Variants in L1CAM observed in about 807,000 individuals in gnomAD.
L1CAM encodes L1 cell adhesion molecule.
L1CAM carries 8 observed loss-of-function variants against 93.0 expected under a neutral mutation model. The ratio of observed to expected loss-of-function variants is 0.09; its 90% CI spans 0.05 to 0.16. The LOEUF is 0.16. Among genes scored for constraint, L1CAM ranks in the 10% least tolerant of loss-of-function variants. L1CAM has a pLI of 1.00. For synonymous variants in L1CAM, 453 were observed against 453.0 expected (o/e 1.00, Z 0.00); for missense variants, 777 against 1,073.4 (o/e 0.72, Z 3.86).
chrX:153,865,060 C>T (rs1557090364), intron 22 of L1CAM, 28 bp downstream of exon 22: 2 of 1,211,608 alleles, frequency 1.7e-6, no homozygotes, highest in East Asian at 3.0e-5. Context: ...CCCTCCACCT[C>T]CCTTCCCTGC....
chrX:153,871,237 G>A lies in L1CAM; in HGVS notation c.401-58C>T, dbSNP rs1487054885. 2.8e-5 allele frequency: 17 copies of A among 612,021 alleles called. No homozygotes were observed. In the East Asian group the frequency reaches 7.1e-4, roughly 25 times the overall value. The allele number at this position is 612,021 out of a possible 1,213,427, so 50.4% of individuals were successfully genotyped here. ...CTGGTCCAGATGGTGCTAGGCAGGA[G>A]AAGGGAGGTGGGGGCAGGGGGGTGG... On this transcript the variant is annotated intron_variant, in intron 5 of 28. Coordinates refer to ENST00000370060, the MANE Select transcript of L1CAM (RefSeq NM_001278116.2).
chrX:153,879,595 G>A (rs1315752277), intron 1 of L1CAM, among the ~76,000 whole-genome samples: 1 of 112,405 alleles, frequency 8.9e-6, no homozygotes, highest in Non-Finnish European at 1.9e-5. Context: ...GACAGACAGA[G>A]GGTGGAGCAG....
rs782340959 is a variant in L1CAM, at chrX:153,870,247, G to A, written c.807-7C>T. 1.4e-5 allele frequency: 17 copies of A among 1,207,476 alleles called. No homozygotes were observed. Among genetic ancestry groups the A allele is most frequent in the South Asian group, 1.8e-5 (1 of 56,801 alleles). On this transcript the variant is annotated splice_region_variant and splice_polypyrimidine_tract_variant and intron_variant, in intron 8 of 28. Transcript: ENST00000370060. ...TTTGATGGTGGGCGTGGGACTGCCCGGGAGGCAAAGGGAAGAGAGCAGAAG... is the reference window on the plus strand; with the variant it reads ...TTTGATGGTGGGCGTGGGACTGCCCAGGAGGCAAAGGGAAGAGAGCAGAAG...
chrX:153,882,754 G>A (rs1311037212), intron 1 of L1CAM, among the ~76,000 whole-genome samples: 1 of 111,301 alleles, frequency 9.0e-6, no homozygotes, highest in Admixed American at 9.6e-5. Context: ...CCTGGCCCTC[G>A]CAGCTGCCCC....
intron 9 of L1CAM, 52 bp from the exon 10 acceptor site, chrX:153,869,986 G>C: frequency 8.3e-7 from 1 of 1,209,429 alleles, no homozygotes; most frequent in Non-Finnish European, 1.1e-6. Context: ...GCTGGCTCTT[G>C]ACCCGGCGCA....
Position 153,866,938 on chromosome X carries a change from A to T in L1CAM, c.2209-67T>A, listed in dbSNP as rs1326862176. On this transcript the variant is annotated intron_variant, in intron 18 of 28. Transcript: ENST00000370060. ...ACCAGCATTCTTTGGCCCGCCCCCC[A>T]GCACAAACCAGCATCCCCAGACATC... 3 of 1,118,970 alleles carry T rather than the reference A, an allele frequency of 2.7e-6. No homozygotes were observed. In the African/African-American group the frequency reaches 5.4e-5, roughly 20 times the overall value. 92.2% of individuals were successfully genotyped at this position (1,118,970 alleles called of 1,213,427 possible). A position where few individuals can be genotyped will look rare whatever the true frequency, so the allele number is the denominator to read the frequency against.
At chrX:153,885,572 C>T in intron 1 of L1CAM, 1 of 322,003 alleles carries the variant, frequency 3.1e-6, no homozygotes, top group Non-Finnish European at 5.1e-6. Context: ...GCGGCTTATC[C>T]CGATCTACCC....
At chrX:153,884,516 G>C (rs781927715) in intron 1 of L1CAM, 73 of 215,568 alleles carry the variant, frequency 3.4e-4, no homozygotes, top group Non-Finnish European at 1.0e-4. Context: ...CCTACAATAA[G>C]ATGTATTACT....
chrX:153,870,530 C>G (rs782019215), intron 7 of L1CAM, 31 bp from the exon 8 acceptor site: 5 of 1,120,027 alleles, frequency 4.5e-6, no homozygotes, highest in Non-Finnish European at 6.1e-6. Flanking sequence ...GGTGGGCTGC[C>G]CACTCTTCCC....
rs1332274718 is a variant in L1CAM, at chrX:153,862,506, C to T, written c.*157G>A. 2.2e-6 allele frequency: 1 copy of T among 447,614 alleles called. No homozygotes were observed. Among genetic ancestry groups the T allele is most frequent in the African/African-American group, 2.5e-5 (1 of 40,778 alleles). 36.9% of individuals were successfully genotyped at this position (447,614 alleles called of 1,213,427 possible). ...AGCGTGTGCCCAGGAAGGGGTGCAG[C>T]TGGGTTTTGGCAATAAAGTGGGGAC... On this transcript the variant is annotated 3_prime_UTR_variant, in exon 29 of 29. Coordinates refer to ENST00000370060, the MANE Select transcript of L1CAM (RefSeq NM_001278116.2).
intron 1 of L1CAM, among the ~76,000 whole-genome samples, chrX:153,882,822 T>A (rs928762162): frequency 2.3e-4 from 26 of 111,697 alleles, no homozygotes; most frequent in Non-Finnish European, 4.3e-4. Flanking sequence ...GGCTGGGCAC[T>A]CCCTCTGCAG....
Position 153,870,234 on chromosome X carries a change from C to T in L1CAM, c.813G>A (p.Thr271=), listed in dbSNP as rs201381558. The change falls in exon 9 of 29, where the codon ACG becomes ACA. Residue 271 remains threonine, a synonymous_variant. Transcript: ENST00000370060. ...TGGGGCGCAGCCATTTGATGGTGGG[C>T]GTGGGACTGCCCGGGAGGCAAAGGG... The part of the protein sequence containing the change: ...VLECIAEGFP[T]PTIKWLRPSG... 7.0e-5 allele frequency: 85 copies of T among 1,209,111 alleles called. No homozygotes were observed. The highest frequency in any genetic ancestry group is 7.3e-5 in the Non-Finnish European group (65 of 894,444).
chrX:153,863,988 C>T lies in L1CAM; in HGVS notation c.3352G>A (p.Ala1118Thr), dbSNP rs200163358. The change falls in exon 26 of 29, where the codon GCC becomes ACC. Residue 1118 changes from alanine (A) to threonine (T), a missense_variant. This residue lies in a region of L1CAM where 110 missense variants were observed against 141.7 expected (regional missense o/e 0.78). Transcript: ENST00000370060. The stretch of plus-strand genomic sequence containing the variant: ...AAGCCGATGAACCAGCCCTCAGTGG[C>T]GAAGCCAGCAGGAGGGAGCCTCACG... Reference protein sequence around the residue: ...GRVRLPPAGFATEGWFIGFVS... With the variant: ...GRVRLPPAGFTTEGWFIGFVS... 7.4e-6 allele frequency: 9 copies of T among 1,211,093 alleles called. No homozygotes were observed. Among genetic ancestry groups the T allele is most frequent in the African/African-American group, 6.9e-5 (4 of 57,635 alleles).
chrX:153,872,773 T>C, intron 3 of L1CAM, 76 bp from the exon 4 acceptor site: 1 of 871,569 alleles, frequency 1.1e-6, no homozygotes, highest in Middle Eastern at 2.7e-4. Context: ...TGTCCCATCG[T>C]GAGGGAAGCA....
Position 153,867,413 on chromosome X carries a change from T to C in L1CAM, c.2080A>G (p.Lys694Glu). Residue 694 changes from lysine to glutamate, a missense_variant, in exon 17 of 29, where the codon AAA (lysine) becomes GAA (glutamate). By Grantham distance (56) the Lys-to-Glu change is moderately conservative. Transcript: ENST00000370060. ...HYTFRVTAIN[K>E]YGPGEPSPVS... The stretch of plus-strand genomic sequence containing the variant: ...GGGCTGGGCTCCCCGGGGCCATATT[T>C]GTTTATGGCAGTAACCCTAAAGGTG... The C allele has an allele frequency of 8.3e-7, 1 of 1,210,248 alleles. No homozygotes were observed. The highest frequency in any genetic ancestry group is 1.1e-6 in the Non-Finnish European group (1 of 894,259).
At chrX:153,882,800 C>T (rs980308499) in intron 1 of L1CAM, among the ~76,000 whole-genome samples, 7 of 112,005 alleles carry the variant, frequency 6.2e-5, no homozygotes, top group African/African-American at 1.6e-4. Context: ...GCAGGAGCTG[C>T]TGACTGACAG....
intron 1 of L1CAM, among the ~76,000 whole-genome samples, chrX:153,876,697 A>G (rs1029059397): frequency 3.5e-5 from 4 of 112,848 alleles, no homozygotes; most frequent in African/African-American, 9.7e-5. Context: ...GAAAATGAAG[A>G]AAGAATGGGG....
At chrX:153,879,405 G>A (rs1557095254) in intron 1 of L1CAM, among the ~76,000 whole-genome samples, 1 of 100,215 alleles carries the variant, frequency 1.0e-5, no homozygotes, top group Non-Finnish European at 2.0e-5. Context: ...CAGAAAGAGC[G>A]AGAAGAGTGA....
chrX:153,868,648 G>T lies in L1CAM; in HGVS notation c.1459C>A (p.Leu487Ile). 1 of 1,211,897 alleles carries T rather than the reference G, an allele frequency of 8.3e-7. No homozygotes were observed. The highest frequency in any genetic ancestry group is 1.1e-6 in the Non-Finnish European group (1 of 895,317). The change falls in exon 13 of 29, where the codon CTC becomes ATC. Residue 487 changes from leucine to isoleucine, a missense_variant. Around this residue, in one of 5 missense-constraint regions of L1CAM, gnomAD observed 574 missense variants for 781.0 expected, o/e 0.73. Coordinates refer to ENST00000370060, the MANE Select transcript of L1CAM (RefSeq NM_001278116.2). Reference protein sequence around the residue: ...YANGTLGIRDLQANDTGRYFC... With the variant: ...YANGTLGIRDIQANDTGRYFC... The stretch of plus-strand genomic sequence containing the variant: ...TAGCGTCCGGTGTCATTGGCCTGGA[G>T]GTCTCGAATGCCCAGGGTCCCATTG...
Sources: allele counts gnomAD v4.1 joint callset (sites outside exome capture counted in the v4.1 genomes callset), GRCh38; gene constraint gnomAD v4.1.1; regional missense constraint gnomAD v4.1.1; transcripts MANE v1.5; gene names NCBI Gene and HGNC (gene_info 2026-07-23, HGNC 2026-07-21).